Variants in DIP2A observed in about 807,000 individuals in gnomAD.
The protein encoded by DIP2A is DIP2 acetate--CoA ligase A.
DIP2A carries 85 observed loss-of-function variants against 177.4 expected under a neutral mutation model. That is an observed-to-expected ratio of 0.48 (90% CI 0.40 to 0.57). The LOEUF (loss-of-function observed/expected upper bound fraction) is 0.57. DIP2A is among the 20% of genes least tolerant of loss of function. The probability of loss-of-function intolerance (pLI) is 0.00; values close to 1 mark genes in which losing one functional copy is unlikely to be tolerated. For synonymous variants in DIP2A, 886 were observed against 881.8 expected (o/e 1.00, Z -0.08); for missense variants, 1,791 against 2,100.2 (o/e 0.85, Z 2.88).
At chr21:46,476,627 C>T (rs2839279) in intron 1 of DIP2A, among the ~76,000 whole-genome samples, 10 of 150,710 alleles carry the variant, frequency 6.6e-5, no homozygotes, top group Admixed American at 1.3e-4. Context: ...ATGAATCTCA[C>T]GTCTTCTAGT....
At chr21:46,461,611 TTAAA>T (rs2054319689) in intron 1 of DIP2A, among the ~76,000 whole-genome samples, 1 of 152,236 alleles carries the variant, frequency 6.6e-6, no homozygotes, top group Non-Finnish European at 1.5e-5. Flanking sequence ...ACACAAGTAC[TTAAA>T]TGAAAGAAAT....
chr21:46,541,972 C>T lies in DIP2A; in HGVS notation c.2176+77C>T, dbSNP rs535316975. On this transcript the variant is annotated intron_variant, in intron 18 of 37. Coordinates refer to ENST00000417564, the MANE Select transcript of DIP2A (RefSeq NM_015151.4). The stretch of plus-strand genomic sequence containing the variant: ...AAAAGGGTTTTGTTTTGTTTTGAGA[C>T]GGAGTCTTGCTTTGTCACCAGGCTG... The T allele has an allele frequency of 2.0e-4, 314 of 1,572,626 alleles. 2 individuals carry two copies. The highest frequency in any genetic ancestry group is 1.3e-3 in the South Asian group (111 of 88,768).
At chr21:46,540,750 A>G (rs1013383450) in intron 17 of DIP2A, among the ~76,000 whole-genome samples, 10 of 152,312 alleles carry the variant, frequency 6.6e-5, no homozygotes, top group African/African-American at 2.2e-4. Flanking sequence ...ACGGTGGCTC[A>G]TGCCTGTAAT....
intron 28 of DIP2A, among the ~76,000 whole-genome samples, chr21:46,555,252 A>C (rs1190179101): frequency 6.6e-6 from 1 of 152,120 alleles, no homozygotes; most frequent in Admixed American, 6.5e-5. Context: ...TTGAGGACAC[A>C]GCTCCCACCG....
intron 31 of DIP2A, 87 bp from the exon 32 acceptor site, chr21:46,558,136 C>A: frequency 7.2e-7 from 1 of 1,385,438 alleles, no homozygotes. Flanking sequence ...CTCTGTGTGC[C>A]CACCCGGAGA....
chr21:46,503,291 C>T (rs1302886633), intron 5 of DIP2A, among the ~76,000 whole-genome samples: 3 of 148,728 alleles, frequency 2.0e-5, no homozygotes, highest in African/African-American at 7.5e-5. Context: ...CCACTGCACT[C>T]CAGTCTGGGC....
intron 8 of DIP2A, 98 bp from the exon 9 acceptor site, chr21:46,528,994 G>T: frequency 1.5e-6 from 1 of 649,570 alleles, no homozygotes; most frequent in South Asian, 2.3e-5. Context: ...CCACTAATGG[G>T]GTAATGGTAT....
intron 1 of DIP2A, among the ~76,000 whole-genome samples, chr21:46,478,874 G>A (rs1438515618): frequency 2.6e-5 from 4 of 151,644 alleles, no homozygotes; most frequent in Non-Finnish European, 5.9e-5. Flanking sequence ...ATAGTTTCTT[G>A]CTGCCATATG....
In DIP2A at chr21:46,459,219, G is replaced by T; in HGVS notation, c.88G>T (p.Glu30Ter). Residue 30 changes from glutamate to a stop codon, truncating the protein, a stop_gained, in exon 1 of 38, where the codon GAA (glutamate) becomes TAA (stop). Transcript: ENST00000417564. LOFTEE classifies it high-confidence loss of function. ...SLAELELELS[E>*]GDITQKGYEK... ...GGCTGAGCTGGAGCTGGAGCTGTCG[G>T]AAGGTGAGCCGGACCCCGCCCTCAA... 3 of 1,523,880 alleles carry T rather than the reference G, an allele frequency of 2.0e-6. No individual in the cohort carries two copies. The highest frequency in any genetic ancestry group is 2.6e-6 in the Non-Finnish European group (3 of 1,136,460). The allele number at this position is 1,523,880 out of a possible 1,614,324, so 94.4% of individuals were successfully genotyped here.
rs1193147832 is a variant in DIP2A at position 46,569,235 on chromosome 21, C to G, written c.*1613C>G. 1.3e-5 allele frequency: 2 copies of G among 152,162 alleles called. No individual in the cohort carries two copies. Among genetic ancestry groups the G allele is most frequent in the African/African-American group, 4.8e-5 (2 of 41,444 alleles). The allele number at this position is 152,162 out of a possible 1,614,324, so 9.4% of individuals were successfully genotyped here. A position where few individuals can be genotyped will look rare whatever the true frequency, so the allele number is the denominator to read the frequency against. On this transcript the variant is annotated 3_prime_UTR_variant, in exon 38 of 38. Transcript: ENST00000417564. ...GCCTAACAAAGCTGTTATTAATTCT[C>G]CACACATGAGTCTGGCTAACTGGGC... is the stretch of plus-strand genomic sequence containing the variant.
At chr21:46,548,733 A>C (rs147058682) in intron 21 of DIP2A, among the ~76,000 whole-genome samples, 505 of 147,488 alleles carry the variant, frequency 3.4e-3, no homozygotes, top group Middle Eastern at 7.0e-3. Flanking sequence ...CTCAAGGAGA[A>C]GGGATATGTT....
Position 46,563,941 on chromosome 21 carries a change from G to C in DIP2A, c.4164+9G>C. ...ACTCACACCTGGGAGAGGTGAGCAG[G>C]GGCCCATGGGAGGGGCTTGAGCTCT... On this transcript the variant is annotated intron_variant, in intron 35 of 37. Coordinates refer to ENST00000417564, the MANE Select transcript of DIP2A (RefSeq NM_015151.4). This position sits in a 1 kb window ranked among gnomAD's most constrained non-coding sequence, Gnocchi z 4.3. The C allele has an allele frequency of 6.2e-7, 1 of 1,611,600 alleles. No individual in the cohort carries two copies. The highest frequency in any genetic ancestry group is 8.5e-7 in the Non-Finnish European group (1 of 1,179,378).
intron 8 of DIP2A, among the ~76,000 whole-genome samples, chr21:46,512,644 T>TC (rs973714596): frequency 1.3e-5 from 2 of 151,144 alleles, no homozygotes; most frequent in African/African-American, 2.4e-5. Flanking sequence ...TTTTTTATTT[T>TC]TTTTCTGAGA....
intron 8 of DIP2A, among the ~76,000 whole-genome samples, chr21:46,527,332 T>TTTG (rs1555897980): frequency 3.4e-5 from 5 of 145,288 alleles, no homozygotes; most frequent in African/African-American, 1.0e-4. Context: ...GAGGTTTTTT[T>TTTG]TTTTTTTTTT....
Position 46,499,599 on chromosome 21 carries a change from C to T in DIP2A, c.655+766C>T, listed in dbSNP as rs117112675. 2.5e-4 allele frequency among the ~76,000 whole-genome samples: 38 copies of T among 152,216 alleles called. No homozygotes were observed. The East Asian group carries it at 6.8e-3, about 27-fold the overall frequency. ...TAATCATATGATGCATGGATCTTTC[C>T]CAAATCATGGAATCCTTTAAATTAC... On this transcript the variant is annotated intron_variant, in intron 5 of 37. Transcript: ENST00000417564.
At chr21:46,533,669 G>A (rs1426464332) in intron 11 of DIP2A, 22 bp downstream of exon 11, 2 of 1,613,922 alleles carry the variant, frequency 1.2e-6, no homozygotes, top group South Asian at 1.1e-5. Flanking sequence ...CAAGGGAAGG[G>A]GAGTCAGTGT....
chr21:46,561,358 G>C, intron 33 of DIP2A: 1 of 352,436 alleles, frequency 2.8e-6, no homozygotes, highest in South Asian at 2.4e-5. Flanking sequence ...TCTGTGGTCA[G>C]ATGTGTATCA....
intron 1 of DIP2A, among the ~76,000 whole-genome samples, chr21:46,472,158 A>G (rs898581029): frequency 6.6e-6 from 1 of 152,176 alleles, no homozygotes; most frequent in Non-Finnish European, 1.5e-5. Flanking sequence ...TAAGAAGAGG[A>G]GGAGACACCA....
chr21:46,510,356 C>T (rs1315750701), intron 7 of DIP2A, among the ~76,000 whole-genome samples: 1 of 152,150 alleles, frequency 6.6e-6, no homozygotes, highest in African/African-American at 2.4e-5. Context: ...AGTCCACTGA[C>T]TCAAACGTTA....
Sources: gnomAD v4.1 joint callset for allele counts (sites outside exome capture counted in the v4.1 genomes callset) on GRCh38, gnomAD v4.1.1 for gene constraint, Gnocchi (gnomAD v3.1) non-coding constraint, MANE v1.5 for transcripts, NCBI Gene and HGNC (gene_info 2026-07-23, HGNC 2026-07-21) for gene names.